Variants in POLR2F observed in about 807,000 individuals in gnomAD.
The protein encoded by POLR2F is DNA-directed RNA polymerases I, II, and III subunit RPABC2.
POLR2F carries 12 observed loss-of-function variants against 22.7 expected under a neutral mutation model. The observed-to-expected ratio is 0.53, with a 90% CI of 0.34 to 0.86. The LOEUF (loss-of-function observed/expected upper bound fraction) is 0.86, where lower values mean the gene tolerates loss of function less well. POLR2F is among the 40% of genes least tolerant of loss of function. The pLI is 0.02. For missense variants in POLR2F, 126 were observed against 171.5 expected, an observed-to-expected ratio of 0.73 and a Z score of 1.48; for synonymous variants, 57 against 66.0, an observed-to-expected ratio of 0.86 and a Z score of 0.66.
rs1200579978 is a variant in POLR2F, at chr22:37,974,542, G to A, written c.293+7372G>A. On this transcript the variant is annotated intron_variant, in intron 4 of 4. Coordinates refer to the POLR2F transcript ENST00000405557. This position sits in a 1 kb window ranked among gnomAD's most constrained non-coding sequence, Gnocchi z 5.4. The stretch of plus-strand genomic sequence containing the variant: ...TAATTTGTGTATTTTTAGTAGAGAC[G>A]GGGTTTCACCATGTTGGCCAGGGTT... Among the ~76,000 whole-genome samples the A allele has an allele frequency of 2.6e-5, 4 of 151,942 alleles. No homozygotes were observed. Among genetic ancestry groups the A allele is most frequent in the African/African-American group, 4.8e-5 (2 of 41,398 alleles).
In POLR2F at chr22:38,004,970, G is replaced by A. The variant is rs1434632503; in HGVS notation, c.120+18658G>A. Among the ~76,000 whole-genome samples the A allele has an allele frequency of 2.0e-5, 3 of 150,088 alleles. No homozygotes were observed. In the East Asian group the frequency reaches 5.9e-4, roughly 29 times the overall value. On this transcript the variant is annotated intron_variant, in intron 1 of 2. Coordinates refer to the POLR2F transcript ENST00000333418. ...AAAAAACAAAACAAAACAAAACTAT[G>A]TGATACATATTTGTTGCTGGCAAAT...
chr22:38,003,371 T>C (rs1008285962), intron 1 of POLR2F, among the ~76,000 whole-genome samples: 5 of 151,998 alleles, frequency 3.3e-5, no homozygotes, highest in African/African-American at 4.8e-5. Flanking sequence ...GAATTACAGG[T>C]GCGTGTCGCC....
chr22:37,990,406 G>A (rs1218702910), intron 1 of POLR2F, among the ~76,000 whole-genome samples: 1 of 152,248 alleles, frequency 6.6e-6, no homozygotes, highest in African/African-American at 2.4e-5. Context: ...CCTGGCCTCT[G>A]CTCTCTTCTG....
chr22:37,968,922 A>AC lies in POLR2F; in HGVS notation c.*1208dup. 3 of 985,206 alleles carry AC rather than the reference A, an allele frequency of 3.0e-6. No individual in the cohort carries two copies. Among genetic ancestry groups the AC allele is most frequent in the Non-Finnish European group, 3.6e-6 (3 of 829,848 alleles). The allele number at this position is 985,206 out of a possible 1,614,324, so 61.0% of individuals were successfully genotyped here. ...TAATTCAGGGAGCAGTGGACTTCACACTCCCATCCACCCTCCTCCAAGCCT... is the reference window on the plus strand; with the variant it reads ...TAATTCAGGGAGCAGTGGACTTCACACCTCCCATCCACCCTCCTCCAAGCCT... On this transcript the variant is annotated 3_prime_UTR_variant, in exon 5 of 5. Coordinates refer to ENST00000442738, the MANE Select transcript of POLR2F (RefSeq NM_021974.5).
intron 1 of POLR2F, among the ~76,000 whole-genome samples, chr22:38,018,825 C>T (rs1019107133): frequency 6.6e-6 from 1 of 151,998 alleles, no homozygotes; most frequent in African/African-American, 2.4e-5. Context: ...CCAGGCAGCC[C>T]ATGGGAGGAG....
intron 4 of POLR2F, among the ~76,000 whole-genome samples, chr22:37,981,080 G>A (rs1932381106): frequency 6.6e-6 from 1 of 152,204 alleles, no homozygotes; most frequent in Non-Finnish European, 1.5e-5. Flanking sequence ...GGGCTGACAC[G>A]GCCCCTTAGG....
rs377605282 is a variant in POLR2F at position 38,025,921 on chromosome 22, G to A, written c.175G>A (p.Ala59Thr). Residue 59 changes from alanine (A) to threonine (T), a missense_variant, in exon 2 of 3, where the codon GCG becomes ACG. Ala to Thr is a moderately conservative substitution (Grantham distance 58, BLOSUM62 0). Transcript: ENST00000333418. ...TCTTCTACATGGGATGGACTCAGGA[G>A]CGCTCAACAGATGCTCTGAAATCAA... is the stretch of plus-strand genomic sequence containing the variant. 3 of 717,172 alleles carry A rather than the reference G, an allele frequency of 4.2e-6. No individual in the cohort carries two copies. The African/African-American group carries it at 5.2e-5, about 12-fold the overall frequency. 44.4% of individuals were successfully genotyped at this position (717,172 alleles called of 1,614,324 possible). A position where few individuals can be genotyped will look rare whatever the true frequency, so the allele number is the denominator to read the frequency against.
At chr22:37,966,220 C>T (rs1038148850) in intron 3 of POLR2F, among the ~76,000 whole-genome samples, 24 of 152,106 alleles carry the variant, frequency 1.6e-4, no homozygotes, top group Admixed American at 4.6e-4. Context: ...TGTAAGAGCA[C>T]ACAAAAGGGA....
At chr22:37,993,915 A>G (rs84769) in intron 1 of POLR2F, among the ~76,000 whole-genome samples, 103,862 of 151,794 alleles carry the variant, frequency 0.68, 36,230 homozygotes, top group African/African-American at 0.83. Flanking sequence ...CGTGAACCCG[A>G]GAGGCGGAGC....
rs913018834 is a variant in POLR2F, at chr22:38,016,982, G to T, written c.121-8887G>T. On this transcript the variant is annotated intron_variant, in intron 1 of 2. Transcript: ENST00000333418. This position sits in a 1 kb window ranked among gnomAD's most constrained non-coding sequence, Gnocchi z 4.4. ...AGATGGAGCCAGGCCGGGGTGCCGG[G>T]GGGCAGCGCAAGGGGCCAGCCAGCC... Among the ~76,000 whole-genome samples the T allele has an allele frequency of 2.0e-5, 3 of 152,276 alleles. No homozygotes were observed. Among genetic ancestry groups the T allele is most frequent in the Non-Finnish European group, 4.4e-5 (3 of 68,018 alleles).
chr22:38,024,368 G>A (rs533776461), intron 1 of POLR2F, among the ~76,000 whole-genome samples: 1 of 152,026 alleles, frequency 6.6e-6, no homozygotes, highest in South Asian at 2.1e-4. Flanking sequence ...TTCTACTTTG[G>A]GCTATTACGA....
At chr22:37,989,206 C>T (rs1028336681) in intron 1 of POLR2F, among the ~76,000 whole-genome samples, 1 of 152,156 alleles carries the variant, frequency 6.6e-6, no homozygotes, top group Non-Finnish European at 1.5e-5. Flanking sequence ...TCGGCTTTTG[C>T]ATATGTACGA....
chr22:37,956,150 C>T (rs976177203), intron 1 of POLR2F, among the ~76,000 whole-genome samples: 5 of 151,164 alleles, frequency 3.3e-5, no homozygotes, highest in Middle Eastern at 3.4e-3. Flanking sequence ...AGTGCAATGG[C>T]GTGATCTCAG....
chr22:38,021,340 G>A (rs1212442243), intron 1 of POLR2F, among the ~76,000 whole-genome samples: 1 of 152,160 alleles, frequency 6.6e-6, no homozygotes, highest in Non-Finnish European at 1.5e-5. Flanking sequence ...TCTTCCTTGT[G>A]GTTTGATAAG....
chr22:38,009,934 TG>T (rs1257253477), intron 1 of POLR2F, among the ~76,000 whole-genome samples: 1 of 152,258 alleles, frequency 6.6e-6, no homozygotes, highest in African/African-American at 2.4e-5. Flanking sequence ...GATAGACATT[TG>T]GGTTGTTTCC....
intron 1 of POLR2F, among the ~76,000 whole-genome samples, chr22:38,019,470 C>T (rs773109630): frequency 3.9e-5 from 6 of 152,254 alleles, no homozygotes; most frequent in Non-Finnish European, 7.4e-5. Flanking sequence ...GGGAGTGAAC[C>T]CCTCAGGTGA....
At chr22:37,983,055 C>T (rs1309906518), upstream of POLR2F, among the ~76,000 whole-genome samples, 32 of 152,354 alleles carry the variant, frequency 2.1e-4, no homozygotes, top group Non-Finnish European at 4.4e-5. This position sits in a 1 kb window ranked among gnomAD's most constrained non-coding sequence, Gnocchi z 9.5. Flanking sequence ...TAGTGAAGGC[C>T]TCCTTCCCTC....
chr22:37,974,347 G>GTTTT lies in POLR2F; in HGVS notation c.293+7183_293+7186dup, dbSNP rs916489152. 7 of 584,354 alleles carry GTTTT rather than the reference G, an allele frequency of 1.2e-5. No homozygotes were observed. The African/African-American group carries it at 1.4e-4, about 12-fold the overall frequency. The allele number at this position is 584,354 out of a possible 1,614,324, so 36.2% of individuals were successfully genotyped here. A position where few individuals can be genotyped will look rare whatever the true frequency, so the allele number is the denominator to read the frequency against. ...TTCACATTTTGGCAGCATGAGTCGG[G>GTTTT]TTTTTTTTTGTTTTTTTTTTTTGAG... is the stretch of plus-strand genomic sequence containing the variant. On this transcript the variant is annotated intron_variant, in intron 4 of 4. Coordinates refer to the POLR2F transcript ENST00000405557. The surrounding 1 kb of genome is among the most constrained non-coding windows in gnomAD (Gnocchi z 5.4).
In POLR2F at chr22:37,967,849, CG is replaced by C. The variant is rs1910428491; in HGVS notation, c.*135del. 2 of 1,428,024 alleles carry C rather than the reference CG, an allele frequency of 1.4e-6. No homozygotes were observed. Among genetic ancestry groups the C allele is most frequent in the Admixed American group, 5.8e-5 (2 of 34,534 alleles). 88.5% of individuals were successfully genotyped at this position (1,428,024 alleles called of 1,614,324 possible). A position where few individuals can be genotyped will look rare whatever the true frequency, so the allele number is the denominator to read the frequency against. ...GCAATGTCACCACCTGTTGCTTCCC[CG>C]TTACCGCCATGCTGCGTGGAGCATG... On this transcript the variant is annotated 3_prime_UTR_variant, in exon 5 of 5. Coordinates refer to ENST00000442738, the MANE Select transcript of POLR2F (RefSeq NM_021974.5).
Sources: allele counts gnomAD v4.1 joint callset (sites outside exome capture counted in the v4.1 genomes callset), GRCh38; gene constraint gnomAD v4.1.1; non-coding constraint Gnocchi (gnomAD v3.1); transcripts MANE v1.5; gene names NCBI Gene and HGNC (gene_info 2026-07-23, HGNC 2026-07-21).